Variants in FOXN1 observed in about 807,000 individuals in gnomAD.
FOXN1 encodes the protein forkhead box N1.
In FOXN1, 15 loss-of-function variants were observed where a neutral mutation model predicts 49.0. The observed-to-expected ratio is 0.31, with a 90% CI of 0.20 to 0.47. FOXN1 has a LOEUF of 0.47. Among genes scored for constraint, FOXN1 ranks in the 20% least tolerant of loss-of-function variants. The probability of loss-of-function intolerance (pLI) is 1.00; values close to 1 mark genes in which losing one functional copy is unlikely to be tolerated. For synonymous variants in FOXN1, 356 were observed against 369.0 expected (o/e 0.96, Z 0.40); for missense variants, 800 against 842.8 (o/e 0.95, Z 0.63).
chr17:28,519,073 G>C (rs1225757933), intron 1 of FOXN1, among the ~76,000 whole-genome samples: 1 of 152,192 alleles, frequency 6.6e-6, no homozygotes, highest in Non-Finnish European at 1.5e-5. Context: ...GGAAGAAATG[G>C]GCACAATTGG....
chr17:28,526,830 CAG>C (rs1321838142), intron 3 of FOXN1, among the ~76,000 whole-genome samples: 1 of 152,220 alleles, frequency 6.6e-6, no homozygotes, highest in South Asian at 2.1e-4. Flanking sequence ...CATGGATCCT[CAG>C]GGAGAGTTCT....
intron 8 of FOXN1, among the ~76,000 whole-genome samples, chr17:28,536,862 A>G (rs985733058): frequency 3.9e-5 from 6 of 151,966 alleles, no homozygotes; most frequent in Non-Finnish European, 5.9e-5. Context: ...CCCCTCCCCA[A>G]TGCCCACCCC....
chr17:28,522,837 C>CA lies in FOXN1; in HGVS notation c.-14-1104dup, dbSNP rs57340096. ...TGGGTGACAGAGAGAGACTCCATCT[C>CA]AAAAAAAAAAAAAAAGTGAGAACCA... On this transcript the variant is annotated intron_variant, in intron 1 of 8. Coordinates refer to ENST00000579795, the MANE Select transcript of FOXN1 (RefSeq NM_001369369.1). Among the ~76,000 whole-genome samples the CA allele has an allele frequency of 3.7e-3, 383 of 102,676 alleles. 1 individual carries two copies. The highest frequency in any genetic ancestry group is 7.2e-3 in the African/African-American group (203 of 28,020). 67.4% of individuals were successfully genotyped at this position (102,676 alleles called of 152,430 possible).
intron 2 of FOXN1, 23 bp downstream of exon 2, chr17:28,524,115 T>C: frequency 6.4e-7 from 1 of 1,571,436 alleles, no homozygotes; most frequent in Middle Eastern, 2.3e-4. Context: ...CATCTGGGCC[T>C]GGGTTTAGGC....
chr17:28,518,483 T>C (rs1041474880), intron 1 of FOXN1, among the ~76,000 whole-genome samples: 1 of 152,228 alleles, frequency 6.6e-6, no homozygotes, highest in Non-Finnish European at 1.5e-5. Flanking sequence ...GCCGGCTGTT[T>C]GTGAGAAGGG....
chr17:28,513,700 T>C (rs1387394938), intron 1 of FOXN1, among the ~76,000 whole-genome samples: 3 of 152,230 alleles, frequency 2.0e-5, no homozygotes, highest in East Asian at 3.9e-4. Flanking sequence ...GGAGTATTTA[T>C]ACCTCGATGG....
At chr17:28,517,532 T>G (rs886678351) in intron 1 of FOXN1, among the ~76,000 whole-genome samples, 1 of 149,862 alleles carries the variant, frequency 6.7e-6, no homozygotes, top group Non-Finnish European at 1.5e-5. Context: ...GGTACATACC[T>G]CCACAGGGTA....
chr17:28,527,186 A>T, intron 3 of FOXN1, 65 bp from the exon 4 acceptor site: 1 of 1,107,122 alleles, frequency 9.0e-7, no homozygotes, highest in Non-Finnish European at 1.4e-6. Flanking sequence ...GTAAGGTTCA[A>T]GACACAGGAA....
At chr17:28,517,285 A>G (rs890872069) in intron 1 of FOXN1, among the ~76,000 whole-genome samples, 5 of 142,770 alleles carry the variant, frequency 3.5e-5, no homozygotes, top group Non-Finnish European at 6.0e-5. Flanking sequence ...CAGGGTACAC[A>G]CCTCCACAGG....
At chr17:28,527,409 G>A (rs749618117) in intron 4 of FOXN1, 48 bp downstream of exon 4, 38 of 1,068,232 alleles carry the variant, frequency 3.6e-5, no homozygotes, top group South Asian at 9.1e-5. Context: ...TGAGGATATC[G>A]TGTGTGTGTA....
intron 1 of FOXN1, among the ~76,000 whole-genome samples, chr17:28,506,901 A>G (rs1410819859): frequency 6.6e-6 from 1 of 152,232 alleles, no homozygotes; most frequent in Non-Finnish European, 1.5e-5. Context: ...GGGTGTGTGC[A>G]GATCAAGGAA....
At chr17:28,519,376 T>C (rs902805323) in intron 1 of FOXN1, among the ~76,000 whole-genome samples, 1 of 151,030 alleles carries the variant, frequency 6.6e-6, no homozygotes, top group Non-Finnish European at 1.5e-5. Flanking sequence ...ACTGCAGATG[T>C]GGAACTGCGG....
chr17:28,509,705 G>A (rs576354373), intron 1 of FOXN1, among the ~76,000 whole-genome samples: 6 of 152,366 alleles, frequency 3.9e-5, no homozygotes, highest in African/African-American at 1.2e-4. Context: ...GAGGGCTGGC[G>A]CCCAGACAGA....
chr17:28,532,133 T>C (rs2069929798), intron 6 of FOXN1, among the ~76,000 whole-genome samples: 3 of 152,146 alleles, frequency 2.0e-5, no homozygotes, highest in Admixed American at 1.3e-4. Flanking sequence ...CCCAGTCCTC[T>C]CAGCCTTCCT....
rs1400806475 is a variant in FOXN1, at chr17:28,538,214, T to C, written c.*778T>C. On this transcript the variant is annotated 3_prime_UTR_variant, in exon 9 of 9. Transcript: ENST00000579795. ...CCGAAGCAGTGTTTGGAAAAGCCCT[T>C]GCCCTCGGAAACTTGAACATGTCCT... is the stretch of plus-strand genomic sequence containing the variant. The C allele has an allele frequency of 1.3e-5, 2 of 152,146 alleles. No individual in the cohort carries two copies. The highest frequency in any genetic ancestry group is 2.4e-5 in the African/African-American group (1 of 41,406). The allele number at this position is 152,146 out of a possible 1,614,324, so 9.4% of individuals were successfully genotyped here.
At chr17:28,509,732 A>G (rs938921029) in intron 1 of FOXN1, among the ~76,000 whole-genome samples, 1 of 152,264 alleles carries the variant, frequency 6.6e-6, no homozygotes, top group Non-Finnish European at 1.5e-5. Flanking sequence ...CACTGCGGGC[A>G]TGTGGCAGTG....
chr17:28,520,936 C>G (rs2069628550), intron 1 of FOXN1, among the ~76,000 whole-genome samples: 2 of 152,162 alleles, frequency 1.3e-5, no homozygotes, highest in Non-Finnish European at 2.9e-5. Context: ...GGGTCTTCAG[C>G]CAATCGCCCC....
At position 28,534,820 on chromosome 17, in the gene FOXN1, G is replaced by C. The variant is rs1182344276; in HGVS notation, c.1249G>C (p.Ala417Pro). Residue 417 changes from alanine to proline, a missense_variant, in exon 8 of 9, where the codon GCT becomes CCT. By Grantham distance (27) the Ala-to-Pro change is conservative. Coordinates refer to ENST00000579795, the MANE Select transcript of FOXN1 (RefSeq NM_001369369.1). This position sits in a 1 kb window ranked among gnomAD's most constrained non-coding sequence, Gnocchi z 4.1. Reference protein sequence around the residue: ...SGPIRPLAPPAGLSPPLHSLH... With the variant: ...SGPIRPLAPPPGLSPPLHSLH... ...CCCCATCCGGCCCCTGGCACCCCCA[G>C]CTGGCCTCTCCCCACCACTGCACTC... 6.2e-6 allele frequency: 10 copies of C among 1,613,838 alleles called. No homozygotes were observed. The Admixed American group carries it at 1.7e-4, about 27-fold the overall frequency.
intron 6 of FOXN1, among the ~76,000 whole-genome samples, chr17:28,531,201 G>A (rs1021300639): frequency 5.9e-5 from 9 of 152,292 alleles, no homozygotes; most frequent in South Asian, 2.1e-4. Context: ...TTGCTACCCC[G>A]ACCGCTGGGA....
Sources: gnomAD v4.1 joint callset for allele counts (sites outside exome capture counted in the v4.1 genomes callset) on GRCh38, gnomAD v4.1.1 for gene constraint, Gnocchi (gnomAD v3.1) non-coding constraint, MANE v1.5 for transcripts, NCBI Gene and HGNC (gene_info 2026-07-23, HGNC 2026-07-21) for gene names.